Variants in AGTPBP1 observed in about 807,000 individuals in gnomAD.
AGTPBP1 encodes cytosolic carboxypeptidase 1.
A neutral mutation model predicts 143.9 loss-of-function variants in AGTPBP1; 70 were observed. The observed-to-expected ratio is 0.49, with a 90% CI of 0.40 to 0.59. The LOEUF (loss-of-function observed/expected upper bound fraction) is 0.59. Among genes scored for constraint, AGTPBP1 ranks in the 20% least tolerant of loss-of-function variants. The pLI, the probability that AGTPBP1 is intolerant of heterozygous loss-of-function variation, is 0.00. For missense variants in AGTPBP1, 1,229 were observed against 1,464.5 expected (o/e 0.84, Z 2.62); for synonymous variants, 463 against 500.2 (o/e 0.93, Z 0.99).
chr9:85,625,900 TTTTG>T (rs1831250503), intron 14 of AGTPBP1, among the ~76,000 whole-genome samples: 1 of 88,962 alleles, frequency 1.1e-5, no homozygotes. Context: ...AAAAACCTAG[TTTTG>T]TTTTTTTTTT....
chr9:85,722,765 G>T (rs1207263877), intron 1 of AGTPBP1, among the ~76,000 whole-genome samples: 1 of 152,156 alleles, frequency 6.6e-6, no homozygotes, highest in Admixed American at 6.5e-5. Flanking sequence ...CTGGTTTTTT[G>T]AACTTTTCAG....
intron 17 of AGTPBP1, among the ~76,000 whole-genome samples, chr9:85,612,796 A>C (rs1019715252): frequency 5.9e-5 from 9 of 152,156 alleles, no homozygotes; most frequent in Non-Finnish European, 1.0e-4. Context: ...GGAGAGTAGA[A>C]GAACTGGAAT....
At chr9:85,767,914 C>T in the AGTPBP1 span, among the ~76,000 whole-genome samples, 1 of 152,170 alleles carries the variant, frequency 6.6e-6, no homozygotes, top group East Asian at 1.9e-4. Flanking sequence ...AAATGCAGAT[C>T]CTCAGGCCCC....
In AGTPBP1 at chr9:85,702,041, T is replaced by C. The variant is rs904494998; in HGVS notation, c.33-9228A>G. On this transcript the variant is annotated intron_variant, in intron 2 of 25. Transcript: ENST00000357081. ...ACCTAGCTACCCAAAAGACTATCTT[T>C]AAGGTCCAAAACTTTTCTAGAATAT... Among the ~76,000 whole-genome samples, 5 of 152,224 alleles carry C rather than the reference T, an allele frequency of 3.3e-5. No homozygotes were observed. The South Asian group carries it at 1.0e-3, about 31-fold the overall frequency.
At chr9:85,756,050 A>T in the AGTPBP1 span, 2 of 1,397,698 alleles carry the variant, frequency 1.4e-6, no homozygotes, top group Non-Finnish European at 1.9e-6. Flanking sequence ...AAAACAAGTA[A>T]TTTTTTTTTT....
intron 14 of AGTPBP1, among the ~76,000 whole-genome samples, 187 bp downstream of exon 14, chr9:85,632,475 C>T (rs1461771632): frequency 1.3e-5 from 2 of 152,050 alleles, no homozygotes; most frequent in Non-Finnish European, 2.9e-5. Flanking sequence ...GGAATAAGCT[C>T]AAGAAATAAA....
chr9:85,595,758 C>T (rs562779032), intron 18 of AGTPBP1, among the ~76,000 whole-genome samples: 1 of 152,214 alleles, frequency 6.6e-6, no homozygotes, highest in Non-Finnish European at 1.5e-5. Flanking sequence ...AACTCCTGAC[C>T]TCAGGTGATC....
At chr9:85,695,043 C>A (rs577726209) in intron 2 of AGTPBP1, among the ~76,000 whole-genome samples, 6 of 152,324 alleles carry the variant, frequency 3.9e-5, no homozygotes, top group Non-Finnish European at 8.8e-5. Flanking sequence ...TCATCTCTCA[C>A]AGCCTAGTGA....
At chr9:85,635,900 A>C (rs1001295149) in intron 13 of AGTPBP1, among the ~76,000 whole-genome samples, 4 of 152,106 alleles carry the variant, frequency 2.6e-5, no homozygotes, top group Non-Finnish European at 5.9e-5. Context: ...AAGATGGTGA[A>C]AAGTAGCACC....
chr9:85,641,453 CT>C (rs148241036), intron 13 of AGTPBP1, among the ~76,000 whole-genome samples: 2,539 of 149,536 alleles, frequency 0.017, 25 homozygotes, highest in Middle Eastern at 0.059. Context: ...TTCCTGTCTT[CT>C]TTTTTTTTTC....
intron 1 of AGTPBP1, among the ~76,000 whole-genome samples, chr9:85,727,093 G>A (rs1435539224): frequency 6.6e-6 from 1 of 152,166 alleles, no homozygotes; most frequent in Non-Finnish European, 1.5e-5. Context: ...ACTCCAGGAT[G>A]AGGTGGTCAG....
intron 8 of AGTPBP1, among the ~76,000 whole-genome samples, chr9:85,661,234 G>A (rs943367255): frequency 2.0e-5 from 3 of 152,066 alleles, no homozygotes; most frequent in African/African-American, 7.2e-5. Context: ...AATTAACAAT[G>A]TCTAAGTATT....
intron 17 of AGTPBP1, among the ~76,000 whole-genome samples, chr9:85,597,595 G>A (rs895406858): frequency 6.6e-6 from 1 of 152,050 alleles, no homozygotes; most frequent in East Asian, 1.9e-4. Context: ...CTGCTCTAAC[G>A]TTTTTTACAT....
At chr9:85,630,306 C>A (rs1429684701) in intron 14 of AGTPBP1, among the ~76,000 whole-genome samples, 1 of 152,200 alleles carries the variant, frequency 6.6e-6, no homozygotes, top group Non-Finnish European at 1.5e-5. Context: ...TCAATCACTG[C>A]AACTGTTCTC....
At chr9:85,722,713 T>C (rs1369320219) in intron 1 of AGTPBP1, among the ~76,000 whole-genome samples, 1 of 152,232 alleles carries the variant, frequency 6.6e-6, no homozygotes, top group Non-Finnish European at 1.5e-5. Flanking sequence ...TTTTGTTCCT[T>C]TGCAGTGAGG....
intron 1 of AGTPBP1, among the ~76,000 whole-genome samples, chr9:85,736,454 G>T (rs562003120): frequency 6.6e-6 from 1 of 152,046 alleles, no homozygotes; most frequent in Non-Finnish European, 1.5e-5. Context: ...CTGGCTATTC[G>T]AAAGTATATA....
intron 25 of AGTPBP1, among the ~76,000 whole-genome samples, chr9:85,558,152 G>A (rs1402715720): frequency 6.6e-6 from 1 of 152,180 alleles, no homozygotes; most frequent in African/African-American, 2.4e-5. Flanking sequence ...CATGCTGTAG[G>A]TATGAAAAGG....
At chr9:85,618,355 G>A (rs568785256) in intron 17 of AGTPBP1, among the ~76,000 whole-genome samples, 1 of 152,082 alleles carries the variant, frequency 6.6e-6, no homozygotes, top group East Asian at 1.9e-4. Flanking sequence ...TGCTACACAA[G>A]TGCTTCCAGC....
intron 14 of AGTPBP1, among the ~76,000 whole-genome samples, chr9:85,622,530 A>T (rs1831000495): frequency 6.6e-6 from 1 of 151,260 alleles, no homozygotes; most frequent in Non-Finnish European, 1.5e-5. Flanking sequence ...AAAGGATACT[A>T]AAAAAAAAGT....
Sources: gnomAD v4.1 joint callset for allele counts (sites outside exome capture counted in the v4.1 genomes callset) on GRCh38, gnomAD v4.1.1 for gene constraint, MANE v1.5 for transcripts, NCBI Gene and HGNC (gene_info 2026-07-23, HGNC 2026-07-21) for gene names.